The following CCNT1 variants were observed in gnomAD, a reference collection of about 807,000 sequenced individuals.
The protein encoded by CCNT1 is cyclin T1, also known as cyclin-T1.
In CCNT1, 18 loss-of-function variants were observed where a neutral mutation model predicts 67.3. That is an observed-to-expected ratio of 0.27 (90% CI 0.18 to 0.40). The LOEUF is 0.40. Among genes scored for constraint, CCNT1 ranks in the 10% least tolerant of loss-of-function variants. CCNT1 has a pLI of 1.00. For synonymous variants in CCNT1, 333 were observed against 310.3 expected, an observed-to-expected ratio of 1.07 and a Z score of -0.77; for missense variants, 744 against 884.9, an observed-to-expected ratio of 0.84 and a Z score of 2.02.
rs200484702 is a variant in CCNT1, at chr12:48,714,500, A to C, written c.186T>G (p.Ala62=). 388 of 1,610,248 alleles carry C rather than the reference A, an allele frequency of 2.4e-4. 1 individual carries two copies. The highest frequency in any genetic ancestry group is 3.6e-4 in the East Asian group (16 of 44,812). Residue 62 remains alanine (A), a synonymous_variant, in exon 2 of 9, where the codon GCT becomes GCG. Transcript: ENST00000261900. ...LNVSQLTINT[A]IVYMHRFYMI... ...TGTAGAATCGATGCATGTATACTAT[A>C]GCAGTGTTGATAGTCAATTGTGAGC...
rs1940081363 is a variant in CCNT1 at position 48,691,951 on chromosome 12, T to G, written c.*1082A>C. 2.0e-5 allele frequency: 3 copies of G among 152,294 alleles called. No individual in the cohort carries two copies. Among genetic ancestry groups the G allele is most frequent in the Middle Eastern group, 3.4e-3 (1 of 298 alleles). The allele number at this position is 152,294 out of a possible 1,614,324, so 9.4% of individuals were successfully genotyped here. On this transcript the variant is annotated 3_prime_UTR_variant, in exon 9 of 9. Transcript: ENST00000261900. ...GGTTTGGGCTTTCACAGGCAGGATA[T>G]ACATAGCACATTCCCCATCTCTTAG... is the stretch of plus-strand genomic sequence containing the variant.
intron 2 of CCNT1, among the ~76,000 whole-genome samples, chr12:48,711,249 G>T (rs144681218): frequency 6.6e-6 from 1 of 150,974 alleles, no homozygotes; most frequent in East Asian, 2.0e-4. Flanking sequence ...GTGTGGTGGC[G>T]GGTGCCTGTA....
At chr12:48,711,018 G>A (rs897791154) in intron 2 of CCNT1, among the ~76,000 whole-genome samples, 2 of 151,698 alleles carry the variant, frequency 1.3e-5, no homozygotes, top group South Asian at 2.1e-4. Context: ...CTGAGATCGC[G>A]CAGCCACTGC....
At chr12:48,695,215 T>C (rs1940149799) in intron 8 of CCNT1, among the ~76,000 whole-genome samples, 1 of 152,228 alleles carries the variant, frequency 6.6e-6, no homozygotes, top group African/African-American at 2.4e-5. Context: ...ACTTTTTCTG[T>C]CTGGATTTAG....
At chr12:48,712,927 C>T (rs1233124008) in intron 2 of CCNT1, among the ~76,000 whole-genome samples, 2 of 150,690 alleles carry the variant, frequency 1.3e-5, no homozygotes, top group Non-Finnish European at 3.0e-5. Context: ...GCAACAAGAG[C>T]GAAACTCCAT....
At chr12:48,696,196 T>C (rs1940164964) in intron 6 of CCNT1, 34 bp from the exon 7 acceptor site, 4 of 1,377,552 alleles carry the variant, frequency 2.9e-6, no homozygotes, top group Non-Finnish European at 3.9e-6. Context: ...GAGAGTGTCA[T>C]GAGCTCTCAA....
At chr12:48,699,874 TAAG>T (rs897694496) in intron 4 of CCNT1, 34 bp from the exon 5 acceptor site, 3 of 1,333,750 alleles carry the variant, frequency 2.2e-6, no homozygotes, top group South Asian at 2.5e-5. Flanking sequence ...AAAAAACTAT[TAAG>T]AAGTTTACAT....
rs1319169519 is a variant in CCNT1, at chr12:48,693,113, T to C, written c.2101A>G (p.Arg701Gly). The part of the protein sequence containing the change: ...LNPRSGGISS[R>G]SGNTDKPRPP... ...CGGGGTTTGTCTGTATTGCCAGATC[T>C]CGAGGAGATTCCACCAGACCGAGGA... Residue 701 changes from arginine (R) to glycine (G), a missense_variant, in exon 9 of 9, where the codon AGA becomes GGA. Physicochemically the swap from Arg to Gly is moderately radical, Grantham distance 125 (BLOSUM62 -2). Coordinates refer to ENST00000261900, the MANE Select transcript of CCNT1 (RefSeq NM_001240.4). 1.2e-6 allele frequency: 2 copies of C among 1,614,196 alleles called. No individual in the cohort carries two copies. Among genetic ancestry groups the C allele is most frequent in the Non-Finnish European group, 1.7e-6 (2 of 1,180,034 alleles).
chr12:48,714,667 A>G, intron 1 of CCNT1, 143 bp from the exon 2 acceptor site: 1 of 589,846 alleles, frequency 1.7e-6, no homozygotes, highest in African/African-American at 1.9e-5. Flanking sequence ...AAATCAAAGA[A>G]TATGTCTGTT....
intron 2 of CCNT1, among the ~76,000 whole-genome samples, chr12:48,707,469 G>C (rs1162622881): frequency 6.6e-6 from 1 of 151,780 alleles, no homozygotes; most frequent in East Asian, 1.9e-4. Context: ...ATTTTTAATA[G>C]AGATGGGGTC....
chr12:48,705,030 G>A (rs992447150), intron 3 of CCNT1, among the ~76,000 whole-genome samples: 4 of 152,058 alleles, frequency 2.6e-5, no homozygotes, highest in Non-Finnish European at 2.9e-5. Context: ...TGGGACCATT[G>A]GTCTAGAATA....
At chr12:48,695,687 A>G in intron 8 of CCNT1, 72 bp downstream of exon 8, 2 of 996,044 alleles carry the variant, frequency 2.0e-6, no homozygotes, top group Non-Finnish European at 3.2e-6. Flanking sequence ...TACATATTCA[A>G]TACTGGTATA....
At position 48,696,066 on chromosome 12, in the gene CCNT1, T is replaced by C. The variant is rs1940163504; in HGVS notation, c.639A>G (p.Pro213=). Residue 213 remains proline, a synonymous_variant, in exon 7 of 9, where the codon CCA becomes CCG. Coordinates refer to ENST00000261900, the MANE Select transcript of CCNT1 (RefSeq NM_001240.4). The part of the protein sequence containing the change: ...LACKWSNWEI[P]VSTDGKHWWE... ...ACCAGTGCTTCCCGTCAGTTGAGAC[T>C]GGGATCTCCCAATTGGACCACTTGC... is the stretch of plus-strand genomic sequence containing the variant. 3 of 1,613,888 alleles carry C rather than the reference T, an allele frequency of 1.9e-6. No individual in the cohort carries two copies. The highest frequency in any genetic ancestry group is 1.3e-5 in the African/African-American group (1 of 74,852).
intron 1 of CCNT1, 84 bp downstream of exon 1, chr12:48,716,431 C>T (rs1940533740): frequency 7.9e-7 from 1 of 1,272,282 alleles, no homozygotes. Context: ...TCCCCACTTT[C>T]GTCCCCCCCA....
intron 2 of CCNT1, among the ~76,000 whole-genome samples, chr12:48,708,968 T>C (rs189714550): frequency 1.7e-4 from 26 of 152,232 alleles, no homozygotes; most frequent in African/African-American, 5.5e-4. Context: ...GGTGGCACTG[T>C]AGTCTTGGTA....
rs887819625 is a variant in CCNT1 at position 48,698,048 on chromosome 12, T to C, written c.542+90A>G. ...GAAAACTGTGCAGAAAAATCAACAT[T>C]CACCAGAGAATTATCTATAGCACAC... On this transcript the variant is annotated intron_variant, in intron 6 of 8. Transcript: ENST00000261900. 4.9e-4 allele frequency: 353 copies of C among 718,454 alleles called. 1 individual carries two copies. The highest frequency in any genetic ancestry group is 3.1e-5 in the Non-Finnish European group (14 of 455,616). The allele number at this position is 718,454 out of a possible 1,614,324, so 44.5% of individuals were successfully genotyped here.
At position 48,693,134 on chromosome 12, in the gene CCNT1, G is replaced by A. The variant is rs578225263; in HGVS notation, c.2080C>T (p.Arg694Trp). 47 of 1,614,140 alleles carry A rather than the reference G, an allele frequency of 2.9e-5. 1 individual carries two copies. In the East Asian group the frequency reaches 8.0e-4, roughly 28 times the overall value. The change falls in exon 9 of 9, where the codon CGG becomes TGG. Residue 694 changes from arginine to tryptophan, a missense_variant. Arg to Trp is a moderately radical substitution (Grantham distance 101, BLOSUM62 -3). Coordinates refer to ENST00000261900, the MANE Select transcript of CCNT1 (RefSeq NM_001240.4). ...VRPYSDYLNPRSGGISSRSGN... is the reference protein window; with the variant it reads ...VRPYSDYLNPWSGGISSRSGN... ...GATCTCGAGGAGATTCCACCAGACCGAGGATTCAGATAGTCACTATAAGGA... is the reference window on the plus strand; with the variant it reads ...GATCTCGAGGAGATTCCACCAGACCAAGGATTCAGATAGTCACTATAAGGA...
rs79499694 is a variant in CCNT1 at position 48,692,025 on chromosome 12, A to T, written c.*1008T>A. 2.0e-5 allele frequency: 3 copies of T among 151,964 alleles called. No homozygotes were observed. The highest frequency in any genetic ancestry group is 7.3e-5 in the African/African-American group (3 of 41,374). 9.4% of individuals were successfully genotyped at this position (151,964 alleles called of 1,614,324 possible). ...GAACACTTTCCCAAAGCCTCACTTGAAAAAAAAGACACACCCAATTCTGTA... is the reference window on the plus strand; with the variant it reads ...GAACACTTTCCCAAAGCCTCACTTGTAAAAAAAGACACACCCAATTCTGTA... On this transcript the variant is annotated 3_prime_UTR_variant, in exon 9 of 9. Coordinates refer to ENST00000261900, the MANE Select transcript of CCNT1 (RefSeq NM_001240.4).
chr12:48,716,433 TC>T, intron 1 of CCNT1, 81 bp downstream of exon 1: 15 of 1,292,434 alleles, frequency 1.2e-5, no homozygotes, highest in African/African-American at 3.0e-5. Flanking sequence ...CCCACTTTCG[TC>T]CCCCCCACAG....
Sources: gnomAD v4.1 joint callset for allele counts (sites outside exome capture counted in the v4.1 genomes callset) on GRCh38, gnomAD v4.1.1 for gene constraint, MANE v1.5 for transcripts, NCBI Gene and HGNC (gene_info 2026-07-23, HGNC 2026-07-21) for gene names.